The following EFHC1 variants were observed in gnomAD, a reference collection of about 807,000 sequenced individuals.
EFHC1 encodes the protein EF-hand domain-containing protein 1.
A neutral mutation model predicts 69.9 loss-of-function variants in EFHC1; 53 were observed. That is an observed-to-expected ratio of 0.76 (90% CI 0.61 to 0.95). EFHC1 has a LOEUF of 0.95. Among genes scored for constraint, EFHC1 ranks in the 40% least tolerant of loss-of-function variants. The pLI, the probability that EFHC1 is intolerant of heterozygous loss-of-function variation, is 0.00. For missense variants in EFHC1, 739 were observed against 798.7 expected, an observed-to-expected ratio of 0.93 and a Z score of 0.90; for synonymous variants, 256 against 278.4, an observed-to-expected ratio of 0.92 and a Z score of 0.80.
In EFHC1 at chr6:52,483,057, G is replaced by A. The variant is rs1175499001; in HGVS notation, c.1640+3270G>A. ...GCGTGAACTATAAAACAAATATACA[G>A]TGACTAGTCACCAACAGACTTTGAA... On this transcript the variant is annotated intron_variant, in intron 9 of 10. Transcript: ENST00000371068. The A allele has an allele frequency of 1.8e-5, 7 of 390,388 alleles. 1 individual carries two copies. In the Middle Eastern group the frequency reaches 3.2e-3, roughly 181 times the overall value. 24.2% of individuals were successfully genotyped at this position (390,388 alleles called of 1,614,324 possible).
intron 3 of EFHC1, among the ~76,000 whole-genome samples, chr6:52,451,031 C>T (rs1269900484): frequency 6.6e-6 from 1 of 152,166 alleles, no homozygotes; most frequent in Non-Finnish European, 1.5e-5. Context: ...AACTCCTGAC[C>T]TCAAGTGATC....
At chr6:52,463,706 G>GCA (rs1175298145) in intron 5 of EFHC1, among the ~76,000 whole-genome samples, 2 of 152,198 alleles carry the variant, frequency 1.3e-5, no homozygotes, top group Admixed American at 6.5e-5. Flanking sequence ...TGGCTGGACA[G>GCA]CACACACACA....
At position 52,463,159 on chromosome 6, in the gene EFHC1, C is replaced by G. The variant is rs767505244; in HGVS notation, c.917-1736C>G. On this transcript the variant is annotated intron_variant, in intron 5 of 10. Coordinates refer to ENST00000371068, the MANE Select transcript of EFHC1 (RefSeq NM_018100.4). ...TCTCCCGCCTCAGCCTCCCGAGTAG[C>G]TGGGACTACAGGTGCCCGCCACCAC... Among the ~76,000 whole-genome samples the G allele has an allele frequency of 2.3e-3, 341 of 150,400 alleles. 2 individuals carry two copies. The highest frequency in any genetic ancestry group is 3.9e-3 in the Non-Finnish European group (263 of 67,754).
rs1425942042 is a variant in EFHC1, at chr6:52,493,688, A to G, written c.*1347A>G. The G allele has an allele frequency of 2.2e-6, 1 of 453,340 alleles. No homozygotes were observed. Among genetic ancestry groups the G allele is most frequent in the Admixed American group, 2.4e-5 (1 of 42,494 alleles). The allele number at this position is 453,340 out of a possible 1,614,324, so 28.1% of individuals were successfully genotyped here. A position where few individuals can be genotyped will look rare whatever the true frequency, so the allele number is the denominator to read the frequency against. On this transcript the variant is annotated 3_prime_UTR_variant, in exon 11 of 11. Coordinates refer to ENST00000371068, the MANE Select transcript of EFHC1 (RefSeq NM_018100.4). Reference sequence around the variant, plus strand: ...AAAAGGTTAGAAAAATGCTGCTTTTAGAGAGCCTGGCCTTGAGAGAGGAAG... The same window carrying G: ...AAAAGGTTAGAAAAATGCTGCTTTTGGAGAGCCTGGCCTTGAGAGAGGAAG...
chr6:52,481,890 T>G (rs1032484032), intron 9 of EFHC1: 1 of 152,110 alleles, frequency 6.6e-6, no homozygotes. Flanking sequence ...CCACCAACGC[T>G]TACAGTTAAG....
At chr6:52,460,248 GTAAC>G (rs2114002757) in intron 5 of EFHC1, among the ~76,000 whole-genome samples, 1 of 152,254 alleles carries the variant, frequency 6.6e-6, no homozygotes, top group Non-Finnish European at 1.5e-5. Flanking sequence ...GAATCTCAAA[GTAAC>G]TATGCTAAGA....
At position 52,434,656 on chromosome 6, in the gene EFHC1, CGCTGCTCTGCCCGTCTGAGTGGGA is replaced by C. The variant is rs776328961; in HGVS notation, c.286-3642_286-3619del. On this transcript the variant is annotated intron_variant, in intron 2 of 10. Transcript: ENST00000371068. ...AAAGCTCACAGTGCAAGCCTTCACA[CGCTGCTCTGCCCGTCTGAGTGGGA>C]GCTGCAATCTAGTCCTACCTTCCAT... Among the ~76,000 whole-genome samples the C allele has an allele frequency of 7.9e-5, 12 of 152,294 alleles. No individual in the cohort carries two copies. In the East Asian group the frequency reaches 1.4e-3, roughly 17 times the overall value.
At chr6:52,466,444 A>T (rs1363642537) in intron 6 of EFHC1, among the ~76,000 whole-genome samples, 1 of 152,210 alleles carries the variant, frequency 6.6e-6, no homozygotes, top group African/African-American at 2.4e-5. Flanking sequence ...TACCCAGTGT[A>T]GGCTTCTTCC....
Position 52,493,982 on chromosome 6 carries a change from G to A in EFHC1, c.*1641G>A, listed in dbSNP as rs895994718. The A allele has an allele frequency of 2.2e-6, 1 of 453,966 alleles. No homozygotes were observed. Among genetic ancestry groups the A allele is most frequent in the African/African-American group, 2.0e-5 (1 of 49,992 alleles). 28.1% of individuals were successfully genotyped at this position (453,966 alleles called of 1,614,324 possible). A position where few individuals can be genotyped will look rare whatever the true frequency, so the allele number is the denominator to read the frequency against. On this transcript the variant is annotated 3_prime_UTR_variant, in exon 11 of 11. Coordinates refer to ENST00000371068, the MANE Select transcript of EFHC1 (RefSeq NM_018100.4). The stretch of plus-strand genomic sequence containing the variant: ...GTAACCAGCTTATTGAAAGGGCTGT[G>A]AATGTATTATGTTGATTCCTTTTCT...
chr6:52,464,102 C>T (rs1765239043), intron 5 of EFHC1, among the ~76,000 whole-genome samples: 1 of 152,210 alleles, frequency 6.6e-6, no homozygotes, highest in Non-Finnish European at 1.5e-5. Flanking sequence ...TCTACTAGAA[C>T]TGATTGACTC....
intron 3 of EFHC1, among the ~76,000 whole-genome samples, chr6:52,444,244 T>C (rs576327471): frequency 6.6e-6 from 1 of 152,298 alleles, no homozygotes; most frequent in African/African-American, 2.4e-5. Flanking sequence ...ACAGGAACAA[T>C]TTGACTTCCT....
chr6:52,464,392 AAG>A (rs1392392315), intron 5 of EFHC1, among the ~76,000 whole-genome samples: 2 of 152,168 alleles, frequency 1.3e-5, no homozygotes, highest in Admixed American at 6.5e-5. Context: ...TGTCTCCCCA[AAG>A]AGAATATTTT....
At chr6:52,449,057 C>A (rs868764927) in intron 3 of EFHC1, among the ~76,000 whole-genome samples, 5 of 152,148 alleles carry the variant, frequency 3.3e-5, no homozygotes, top group African/African-American at 1.2e-4. Flanking sequence ...AATCCCTCCT[C>A]CTCAACTTTT....
intron 7 of EFHC1, among the ~76,000 whole-genome samples, chr6:52,471,643 A>G (rs1332652953): frequency 6.6e-6 from 1 of 152,158 alleles, no homozygotes; most frequent in Non-Finnish European, 1.5e-5. Context: ...AGGAGGGCAG[A>G]TCACTTGAGG....
At chr6:52,478,038 A>G (rs1765581222) in intron 7 of EFHC1, among the ~76,000 whole-genome samples, 1 of 152,192 alleles carries the variant, frequency 6.6e-6, no homozygotes, top group Non-Finnish European at 1.5e-5. Context: ...AATGTCCAAC[A>G]ATGATAGACT....
chr6:52,449,380 CAAA>C (rs141155248), intron 3 of EFHC1, among the ~76,000 whole-genome samples: 5 of 104,388 alleles, frequency 4.8e-5, no homozygotes, highest in Admixed American at 1.1e-4. Context: ...GACTCCATCT[CAAA>C]AAAAAAAAAA....
chr6:52,424,304 C>G, intron 2 of EFHC1, 137 bp downstream of exon 2: 2 of 831,522 alleles, frequency 2.4e-6, no homozygotes, highest in Non-Finnish European at 3.9e-6. Flanking sequence ...AACCCTTAGT[C>G]ATGGACAGCT....
rs1443690984 is a variant in EFHC1, at chr6:52,493,376, ATATATATATT to A, written c.*1037_*1046del. ...TTTCTCTCTCTCTACATATATATAT[ATATATATATT>A]TTATATGTACACATTCATACACACA... On this transcript the variant is annotated 3_prime_UTR_variant, in exon 11 of 11. Coordinates refer to ENST00000371068, the MANE Select transcript of EFHC1 (RefSeq NM_018100.4). The A allele has an allele frequency of 2.3e-5, 5 of 215,822 alleles. No homozygotes were observed. The highest frequency in any genetic ancestry group is 4.6e-5 in the Non-Finnish European group (5 of 109,108). The allele number at this position is 215,822 out of a possible 1,614,324, so 13.4% of individuals were successfully genotyped here.
At chr6:52,472,009 T>C (rs1445146793) in intron 7 of EFHC1, among the ~76,000 whole-genome samples, 2 of 151,864 alleles carry the variant, frequency 1.3e-5, no homozygotes, top group Admixed American at 1.3e-4. Flanking sequence ...AAAAAGTCTA[T>C]TTCAGTTTTG....
Sources: allele counts gnomAD v4.1 joint callset (sites outside exome capture counted in the v4.1 genomes callset), GRCh38; gene constraint gnomAD v4.1.1; transcripts MANE v1.5; gene names NCBI Gene and HGNC (gene_info 2026-07-23, HGNC 2026-07-21).